Variants in WDFY4 observed in about 807,000 individuals in gnomAD.
WDFY4 encodes the protein WD repeat- and FYVE domain-containing protein 4.
In WDFY4, 169 loss-of-function variants were observed where a neutral mutation model predicts 351.9. That is an observed-to-expected ratio of 0.48 (90% CI 0.42 to 0.55). The LOEUF (loss-of-function observed/expected upper bound fraction) is 0.55, where lower values mean the gene tolerates loss of function less well. Among genes scored for constraint, WDFY4 ranks in the 20% least tolerant of loss-of-function variants. WDFY4 has a pLI of 0.00. For missense variants in WDFY4, 3,803 were observed against 3,935.6 expected (o/e 0.97, Z 0.90); for synonymous variants, 1,622 against 1,574.6 (o/e 1.03, Z -0.71).
At chr10:48,779,815 A>T in intron 18 of WDFY4, 126 bp from the exon 19 acceptor site, 1 of 942,272 alleles carries the variant, frequency 1.1e-6, no homozygotes. Flanking sequence ...ATTTTTCATG[A>T]GAGGAGGATC....
intron 18 of WDFY4, among the ~76,000 whole-genome samples, chr10:48,779,701 C>T (rs1478912613): frequency 4.6e-5 from 7 of 152,214 alleles, no homozygotes; most frequent in Admixed American, 3.3e-4. Flanking sequence ...GCGCCTACCT[C>T]ACAGGGCTGT....
intron 39 of WDFY4, among the ~76,000 whole-genome samples, chr10:48,857,305 C>T (rs1341501290): frequency 6.6e-6 from 1 of 151,106 alleles, no homozygotes; most frequent in Admixed American, 6.6e-5. Flanking sequence ...ATAATTTGTA[C>T]TGCTTCATCA....
intron 13 of WDFY4, among the ~76,000 whole-genome samples, chr10:48,763,535 C>G (rs913640057): frequency 3.3e-5 from 5 of 152,246 alleles, no homozygotes; most frequent in Non-Finnish European, 7.3e-5. Flanking sequence ...CTGCAAAAAT[C>G]CACTGCGGCC....
chr10:48,766,281 A>G (rs2065667873), intron 13 of WDFY4, among the ~76,000 whole-genome samples: 1 of 152,184 alleles, frequency 6.6e-6, no homozygotes, highest in Non-Finnish European at 1.5e-5. Context: ...GTGACTTCTC[A>G]TGGTAGTCTC....
At chr10:48,823,437 G>A in intron 35 of WDFY4, 1 of 1,192,598 alleles carries the variant, frequency 8.4e-7, no homozygotes, top group Non-Finnish European at 1.1e-6. Context: ...CATAGAGAGT[G>A]AAATTGGCTC....
chr10:48,747,036 A>G (rs1211900187), intron 12 of WDFY4, among the ~76,000 whole-genome samples: 1 of 152,174 alleles, frequency 6.6e-6, no homozygotes, highest in Non-Finnish European at 1.5e-5. Flanking sequence ...TACATCTGTT[A>G]AACTTTCCTG....
At chr10:48,916,295 C>G (rs1267545881) in intron 47 of WDFY4, among the ~76,000 whole-genome samples, 1 of 152,216 alleles carries the variant, frequency 6.6e-6, no homozygotes, top group Non-Finnish European at 1.5e-5. Context: ...AAGAGCCTCT[C>G]TTTCTGGTCC....
chr10:48,802,448 T>C (rs1451952122), intron 24 of WDFY4, among the ~76,000 whole-genome samples: 4 of 152,248 alleles, frequency 2.6e-5, no homozygotes, highest in African/African-American at 9.6e-5. Context: ...GTATCAGTTA[T>C]TAAGTGCAAG....
chr10:48,762,122 G>A (rs974267177), intron 13 of WDFY4, among the ~76,000 whole-genome samples: 1 of 152,250 alleles, frequency 6.6e-6, no homozygotes, highest in African/African-American at 2.4e-5. Flanking sequence ...GAGGCAACAT[G>A]TTTGGGGAAG....
intron 4 of WDFY4, among the ~76,000 whole-genome samples, chr10:48,722,693 A>T (rs1245781491): frequency 1.3e-5 from 2 of 152,242 alleles, no homozygotes; most frequent in Non-Finnish European, 2.9e-5. Context: ...GCACACATGC[A>T]TCATGCACAC....
chr10:48,699,209 A>G (rs2063413341), intron 1 of WDFY4, among the ~76,000 whole-genome samples: 2 of 152,056 alleles, frequency 1.3e-5, no homozygotes, highest in African/African-American at 4.8e-5. Context: ...GACCATGGAG[A>G]AGAGGGTGGG....
chr10:48,760,511 G>T (rs2065470288), intron 13 of WDFY4, 71 bp downstream of exon 13: 2 of 1,478,702 alleles, frequency 1.4e-6, no homozygotes, highest in Non-Finnish European at 1.8e-6. Flanking sequence ...TCTGACCCAA[G>T]ACAGCTTTTT....
chr10:48,704,937 T>C (rs1253687568), intron 1 of WDFY4, among the ~76,000 whole-genome samples: 1 of 121,176 alleles, frequency 8.3e-6, no homozygotes, highest in Non-Finnish European at 1.8e-5. Flanking sequence ...TGTGCCAAGC[T>C]GACTAATGCT....
chr10:48,980,547 G>C (rs117115398), intron 60 of WDFY4, among the ~76,000 whole-genome samples: 14 of 152,128 alleles, frequency 9.2e-5, no homozygotes, highest in African/African-American at 3.4e-4. Context: ...TTCAGGAATC[G>C]CCTCAAAGAT....
At chr10:48,951,749 G>A (rs144095072) in intron 51 of WDFY4, among the ~76,000 whole-genome samples, 1,556 of 152,288 alleles carry the variant, frequency 0.01, 20 homozygotes, top group Non-Finnish European at 0.015. Flanking sequence ...AGAAAGCTGA[G>A]TCACTAGGAG....
intron 30 of WDFY4, among the ~76,000 whole-genome samples, 163 bp from the exon 31 acceptor site, chr10:48,813,794 C>G (rs190554357): frequency 1.3e-5 from 2 of 152,336 alleles, no homozygotes; most frequent in Admixed American, 1.3e-4. Flanking sequence ...TATGCACCAT[C>G]TACTGGGGTG....
chr10:48,913,469 C>T (rs375365791), intron 47 of WDFY4: 60 of 1,606,574 alleles, frequency 3.7e-5, no homozygotes, highest in Non-Finnish European at 4.8e-5. Context: ...TCGGTGTCGT[C>T]GTGGCCATGT....
chr10:48,923,247 G>A (rs1160682411), intron 47 of WDFY4, among the ~76,000 whole-genome samples: 1 of 152,066 alleles, frequency 6.6e-6, no homozygotes, highest in African/African-American at 2.4e-5. Flanking sequence ...TCTCCCTGGT[G>A]TATGCACTGG....
At chr10:48,860,306 TACTACCCA>T (rs2069289649) in intron 39 of WDFY4, among the ~76,000 whole-genome samples, 1 of 152,244 alleles carries the variant, frequency 6.6e-6, no homozygotes, top group South Asian at 2.1e-4. Context: ...TATTACAAGT[TACTACCCA>T]CAGGCTGGCT....
Sources: gnomAD v4.1 joint callset for allele counts (sites outside exome capture counted in the v4.1 genomes callset) on GRCh38, gnomAD v4.1.1 for gene constraint, MANE v1.5 for transcripts, NCBI Gene and HGNC (gene_info 2026-07-23, HGNC 2026-07-21) for gene names.